The following ARHGAP42 variants were observed in gnomAD, a reference collection of about 807,000 sequenced individuals.
ARHGAP42 encodes Rho GTPase activating protein 42, also known as rho GTPase-activating protein 42.
Under a neutral mutation model 125.0 loss-of-function variants are expected in ARHGAP42, and 63 were observed. The observed-to-expected ratio is 0.50, with a 90% CI of 0.41 to 0.62. ARHGAP42 has a LOEUF of 0.62. Ranked by LOEUF, ARHGAP42 falls within the 20% of genes least tolerant of loss-of-function variation. The pLI is 0.00. For synonymous variants in ARHGAP42, 339 were observed against 351.0 expected, an observed-to-expected ratio of 0.97 and a Z score of 0.38; for missense variants, 766 against 1,024.2, an observed-to-expected ratio of 0.75 and a Z score of 3.44.
chr11:100,911,273 A>G (rs1866909239), intron 4 of ARHGAP42, among the ~76,000 whole-genome samples: 1 of 152,104 alleles, frequency 6.6e-6, no homozygotes, highest in South Asian at 2.1e-4. Flanking sequence ...AAGAAGAAGA[A>G]TTTACTTATT....
chr11:100,869,147 C>T (rs1865642033), intron 4 of ARHGAP42, among the ~76,000 whole-genome samples: 1 of 151,784 alleles, frequency 6.6e-6, no homozygotes, highest in Non-Finnish European at 1.5e-5. Context: ...ACAGGGGTAC[C>T]TAGCAAGAAG....
chr11:100,954,294 T>C (rs1013889163), intron 12 of ARHGAP42, among the ~76,000 whole-genome samples: 1 of 152,204 alleles, frequency 6.6e-6, no homozygotes, highest in African/African-American at 2.4e-5. Flanking sequence ...GCACCTACTC[T>C]ACTCCAGGTA....
chr11:100,728,657 G>T (rs1469037838), intron 1 of ARHGAP42, among the ~76,000 whole-genome samples: 2 of 145,392 alleles, frequency 1.4e-5, no homozygotes, highest in African/African-American at 5.1e-5. Flanking sequence ...CAGTGTGTTA[G>T]GTTCACGATG....
At chr11:100,712,843 C>A (rs1325147378) in intron 1 of ARHGAP42, among the ~76,000 whole-genome samples, 2 of 152,100 alleles carry the variant, frequency 1.3e-5, no homozygotes, top group Non-Finnish European at 2.9e-5. Context: ...TTGCTAGCAA[C>A]TTCCTTAGTT....
intron 4 of ARHGAP42, among the ~76,000 whole-genome samples, chr11:100,898,255 G>A (rs925778767): frequency 1.3e-5 from 2 of 152,166 alleles, no homozygotes; most frequent in Non-Finnish European, 2.9e-5. Context: ...GTATTTTATT[G>A]AGGATTTTTA....
At chr11:100,871,177 G>A (rs1377779413) in intron 4 of ARHGAP42, among the ~76,000 whole-genome samples, 1 of 152,102 alleles carries the variant, frequency 6.6e-6, no homozygotes, top group African/African-American at 2.4e-5. Flanking sequence ...CTATGAATCA[G>A]TGAGGCAAAC....
chr11:100,737,490 A>G (rs1862090829), intron 1 of ARHGAP42, among the ~76,000 whole-genome samples: 1 of 152,164 alleles, frequency 6.6e-6, no homozygotes, highest in African/African-American at 2.4e-5. Flanking sequence ...TATCATATTA[A>G]TTCTAACTCT....
chr11:100,735,602 CTTTTTTT>C (rs58522622), intron 1 of ARHGAP42, among the ~76,000 whole-genome samples: 2 of 73,048 alleles, frequency 2.7e-5, no homozygotes, highest in Non-Finnish European at 4.8e-5. Flanking sequence ...TTTACTTGTA[CTTTTTTT>C]TTTTTTTTTT....
intron 1 of ARHGAP42, among the ~76,000 whole-genome samples, chr11:100,745,262 A>G (rs1303578202): frequency 6.6e-6 from 1 of 152,230 alleles, no homozygotes; most frequent in Non-Finnish European, 1.5e-5. Context: ...ATATCTAACA[A>G]TCCCTCCTCT....
intron 1 of ARHGAP42, among the ~76,000 whole-genome samples, chr11:100,712,580 G>A (rs1861582955): frequency 6.6e-6 from 1 of 152,166 alleles, no homozygotes; most frequent in South Asian, 2.1e-4. Flanking sequence ...GTGGCAGGTG[G>A]TGGGAGGGAG....
chr11:100,781,693 A>G (rs964637336), intron 2 of ARHGAP42, among the ~76,000 whole-genome samples: 1 of 152,256 alleles, frequency 6.6e-6, no homozygotes, highest in Non-Finnish European at 1.5e-5. Flanking sequence ...TTAAACTATG[A>G]GAAGTGCTAC....
At chr11:100,911,869 A>T (rs1287837423) in intron 4 of ARHGAP42, among the ~76,000 whole-genome samples, 4 of 152,162 alleles carry the variant, frequency 2.6e-5, no homozygotes, top group Admixed American at 2.6e-4. Flanking sequence ...TTTTCTCCTT[A>T]GGTAATAAGA....
At chr11:100,975,312 A>G (rs1021965663) in intron 19 of ARHGAP42, among the ~76,000 whole-genome samples, 3 of 152,220 alleles carry the variant, frequency 2.0e-5, no homozygotes, top group African/African-American at 7.2e-5. Context: ...CTGTATCAAA[A>G]TATCCTATGT....
intron 2 of ARHGAP42, among the ~76,000 whole-genome samples, chr11:100,781,413 T>C (rs1428826798): frequency 6.6e-6 from 1 of 152,208 alleles, no homozygotes; most frequent in African/African-American, 2.4e-5. Context: ...ATAATGCTGA[T>C]GTTTTCCTTC....
chr11:100,903,753 T>C, intron 4 of ARHGAP42, among the ~76,000 whole-genome samples: 1 of 121,318 alleles, frequency 8.2e-6, no homozygotes, highest in South Asian at 2.8e-4. Flanking sequence ...TATATATATA[T>C]ATGTATGTAA....
At position 100,974,525 on chromosome 11, in the gene ARHGAP42, A is replaced by G; in HGVS notation, c.1777A>G (p.Arg593Gly). The G allele has an allele frequency of 6.4e-7, 1 of 1,551,098 alleles. No individual in the cohort carries two copies. Among genetic ancestry groups the G allele is most frequent in the Non-Finnish European group, 8.7e-7 (1 of 1,146,726 alleles). The change falls in exon 19 of 24, where the codon AGG becomes GGG. Residue 593 changes from arginine to glycine, a missense_variant. Arg to Gly is a moderately radical substitution (Grantham distance 125). Coordinates refer to ENST00000298815, the MANE Select transcript of ARHGAP42 (RefSeq NM_152432.4). ...PQPQSRSGSR[R>G]TRAICLSTGS... The stretch of plus-strand genomic sequence containing the variant: ...GCCTCAGTCTCGATCTGGATCCCGA[A>G]GGACACGAGCAATCTGCCTCTCTAC...
chr11:100,878,271 G>T (rs1865871619), intron 4 of ARHGAP42, among the ~76,000 whole-genome samples: 1 of 151,854 alleles, frequency 6.6e-6, no homozygotes, highest in South Asian at 2.1e-4. Context: ...TGGGATTACA[G>T]GTGTGAGCCA....
chr11:100,879,464 A>T (rs1315867622), intron 4 of ARHGAP42, among the ~76,000 whole-genome samples: 1 of 152,184 alleles, frequency 6.6e-6, no homozygotes, highest in Non-Finnish European at 1.5e-5. Context: ...CCCTTCAGGG[A>T]AGGACATTCA....
rs1858717359 is a variant in ARHGAP42, at chr11:100,987,705, C to G, written c.2536+113C>G. 2.5e-5 allele frequency: 24 copies of G among 962,150 alleles called. No individual in the cohort carries two copies. In the South Asian group the frequency reaches 3.3e-4, roughly 13 times the overall value. 59.6% of individuals were successfully genotyped at this position (962,150 alleles called of 1,614,324 possible). On this transcript the variant is annotated intron_variant, in intron 23 of 23. Transcript: ENST00000298815. ...AGAAGCCTCAGATTTTATCCCATGT[C>G]CTGCCTCTCATAACGGGCATGCATG... is the stretch of plus-strand genomic sequence containing the variant.
Sources: allele counts gnomAD v4.1 joint callset (sites outside exome capture counted in the v4.1 genomes callset), GRCh38; gene constraint gnomAD v4.1.1; transcripts MANE v1.5; gene names NCBI Gene and HGNC (gene_info 2026-07-23, HGNC 2026-07-21).